Variants in H6PD observed in about 807,000 individuals in gnomAD.
H6PD encodes the protein GDH/6PGL endoplasmic bifunctional protein.
H6PD carries 48 observed loss-of-function variants against 61.2 expected under a neutral mutation model. The observed-to-expected ratio is 0.78, with a 90% CI of 0.62 to 1.00. The LOEUF is 1.00. Ranked by LOEUF, H6PD falls within the 50% of genes least tolerant of loss-of-function variation. The probability of loss-of-function intolerance (pLI) is 0.00; values close to 1 mark genes in which losing one functional copy is unlikely to be tolerated. For synonymous variants in H6PD, 480 were observed against 457.9 expected (o/e 1.05, Z -0.62); for missense variants, 1,093 against 1,065.0 (o/e 1.03, Z -0.37).
At chr1:9,253,577 G>T (rs1424057060) in intron 3 of H6PD, among the ~76,000 whole-genome samples, 1 of 152,156 alleles carries the variant, frequency 6.6e-6, no homozygotes, top group Non-Finnish European at 1.5e-5. Context: ...TTCTTTCTTA[G>T]GGGTTATAAA....
chr1:9,252,014 C>T (rs937079599), intron 3 of H6PD, among the ~76,000 whole-genome samples: 7 of 151,906 alleles, frequency 4.6e-5, no homozygotes, highest in South Asian at 2.1e-4. Flanking sequence ...CTGATAGCCC[C>T]GGCACCTCTC....
rs1474142048 is a variant in H6PD at position 9,264,310 on chromosome 1, A to G, written c.1817A>G (p.His606Arg). The G allele has an allele frequency of 6.2e-7, 1 of 1,611,528 alleles. No individual in the cohort carries two copies. The highest frequency in any genetic ancestry group is 2.2e-5 in the East Asian group (1 of 44,874). The change falls in exon 5 of 5, where the codon CAC (histidine) becomes CGC (arginine). Residue 606 changes from histidine (H) to arginine (R), a missense_variant. His to Arg is a conservative substitution (Grantham distance 29). Transcript: ENST00000377403. ...VALFQQLATA[H>R]YGFPWAHTHL... ...CTGTTCCAGCAGCTGGCCACGGCGC[A>G]CTATGGCTTCCCCTGGGCCCACACG...
chr1:9,248,597 C>G (rs1292765965), intron 3 of H6PD, among the ~76,000 whole-genome samples: 3 of 150,932 alleles, frequency 2.0e-5, no homozygotes, highest in African/African-American at 7.3e-5. Flanking sequence ...AGTAGTTGGA[C>G]ACCAGCCTGG....
At chr1:9,263,212 T>C (rs1638395053) in intron 4 of H6PD, among the ~76,000 whole-genome samples, 1 of 151,962 alleles carries the variant, frequency 6.6e-6, no homozygotes, top group Non-Finnish European at 1.5e-5. Context: ...TCCTTTAGAG[T>C]CTCCAGGTTG....
rs549848973 is a variant in H6PD at position 9,249,510 on chromosome 1, G to A, written c.745+2427G>A. Among the ~76,000 whole-genome samples, 16 of 152,274 alleles carry A rather than the reference G, an allele frequency of 1.1e-4. No homozygotes were observed. The East Asian group carries it at 1.9e-3, about 18-fold the overall frequency. On this transcript the variant is annotated intron_variant, in intron 3 of 4. Transcript: ENST00000377403. ...GGAGCCCTGTTGTCACAGCTGCAGG[G>A]ACTAAAGGAGGCCCAGCCTTGCCTG...
At position 9,251,350 on chromosome 1, in the gene H6PD, G is replaced by C. The variant is rs373737528; in HGVS notation, c.745+4267G>C. Among the ~76,000 whole-genome samples, 98 of 152,376 alleles carry C rather than the reference G, an allele frequency of 6.4e-4. 1 individual carries two copies. The East Asian group carries it at 0.016, about 25-fold the overall frequency. ...GCTCCACAGCCTCCCCAGCTGGCCA[G>C]GCCCTCAGCAGTTGGCCTCCCTGCT... On this transcript the variant is annotated intron_variant, in intron 3 of 4. Coordinates refer to ENST00000377403, the MANE Select transcript of H6PD (RefSeq NM_004285.4).
rs1640952070 is a variant in H6PD, at chr1:9,240,038, A to G, written c.-10-4887A>G. On this transcript the variant is annotated intron_variant, in intron 1 of 4. Coordinates refer to ENST00000377403, the MANE Select transcript of H6PD (RefSeq NM_004285.4). ...TAACTGGTAAGTCTCTCCCAGGATG[A>G]CTCGTAGGAGCCTCTCAGGATTAGA... 4.1e-6 allele frequency: 5 copies of G among 1,225,480 alleles called. No individual in the cohort carries two copies. The South Asian group carries it at 2.1e-4, about 51-fold the overall frequency. 75.9% of individuals were successfully genotyped at this position (1,225,480 alleles called of 1,614,324 possible). A position where few individuals can be genotyped will look rare whatever the true frequency, so the allele number is the denominator to read the frequency against.
intron 3 of H6PD, among the ~76,000 whole-genome samples, chr1:9,248,899 G>A (rs1191479569): frequency 3.3e-5 from 5 of 152,234 alleles, no homozygotes; most frequent in Non-Finnish European, 5.9e-5. Context: ...GGCGCTGGCC[G>A]TGGGTTGCCC....
chr1:9,260,153 G>T lies in H6PD; in HGVS notation c.746-1906G>T, dbSNP rs1466864325. ...CGTTGCTGTTAGCTGGTGTTATATT[G>T]CTGTTGTTAAGCTGGTGTTATGTTG... is the stretch of plus-strand genomic sequence containing the variant. On this transcript the variant is annotated intron_variant, in intron 3 of 4. Coordinates refer to ENST00000377403, the MANE Select transcript of H6PD (RefSeq NM_004285.4). Among the ~76,000 whole-genome samples, 3 of 150,830 alleles carry T rather than the reference G, an allele frequency of 2.0e-5. No individual in the cohort carries two copies. The East Asian group carries it at 6.0e-4, about 30-fold the overall frequency.
intron 3 of H6PD, among the ~76,000 whole-genome samples, chr1:9,251,756 C>T (rs574337570): frequency 6.6e-6 from 1 of 152,250 alleles, no homozygotes; most frequent in East Asian, 1.9e-4. Context: ...GGGCAGCTGC[C>T]GGATCTCCTG....
chr1:9,263,472 T>C, intron 4 of H6PD, 37 bp from the exon 5 acceptor site: 1 of 1,605,266 alleles, frequency 6.2e-7, no homozygotes, highest in Non-Finnish European at 8.5e-7. Flanking sequence ...TCCTGGTCTG[T>C]GCCAGAGAGT....
chr1:9,251,598 C>G (rs566037777), intron 3 of H6PD, among the ~76,000 whole-genome samples: 1 of 152,124 alleles, frequency 6.6e-6, no homozygotes, highest in Non-Finnish European at 1.5e-5. Flanking sequence ...TGCCTCTCAC[C>G]GAGGGACCAG....
chr1:9,239,978 T>C (rs1299903254), intron 1 of H6PD: 97 of 1,227,660 alleles, frequency 7.9e-5, no homozygotes, highest in Non-Finnish European at 9.8e-5. Flanking sequence ...CCAAACCCCC[T>C]GGCCCCCACC....
chr1:9,262,430 G>A (rs1292515507), intron 4 of H6PD, 102 bp downstream of exon 4: 31 of 1,123,006 alleles, frequency 2.8e-5, no homozygotes, highest in Non-Finnish European at 3.7e-5. Context: ...GACTTGAGGT[G>A]GGATTTCCCC....
At chr1:9,263,453 G>C (rs1638405650) in intron 4 of H6PD, 56 bp from the exon 5 acceptor site, 4 of 1,566,486 alleles carry the variant, frequency 2.6e-6, no homozygotes, top group Non-Finnish European at 3.5e-6. Context: ...GAGAGGGCTG[G>C]CCGGAGAGTC....
At position 9,264,315 on chromosome 1, in the gene H6PD, G is replaced by A. The variant is rs776340923; in HGVS notation, c.1822G>A (p.Gly608Ser). 12 of 1,611,684 alleles carry A rather than the reference G, an allele frequency of 7.4e-6. No individual in the cohort carries two copies. Among genetic ancestry groups the A allele is most frequent in the Non-Finnish European group, 9.3e-6 (11 of 1,179,786 alleles). ...CCAGCAGCTGGCCACGGCGCACTATGGCTTCCCCTGGGCCCACACGCACCT... is the reference window on the plus strand; with the variant it reads ...CCAGCAGCTGGCCACGGCGCACTATAGCTTCCCCTGGGCCCACACGCACCT... ...LFQQLATAHY[G>S]FPWAHTHLWL... is the part of the protein sequence containing the mutation. Residue 608 changes from glycine (G) to serine (S), a missense_variant, in exon 5 of 5, where the codon GGC (glycine) becomes AGC (serine). Physicochemically the swap from Gly to Ser is moderately conservative, Grantham distance 56 (BLOSUM62 0). Coordinates refer to ENST00000377403, the MANE Select transcript of H6PD (RefSeq NM_004285.4).
intron 4 of H6PD, 62 bp from the exon 5 acceptor site, chr1:9,263,447 G>A: frequency 6.5e-7 from 1 of 1,535,502 alleles, no homozygotes; most frequent in South Asian, 1.1e-5. Context: ...GGAGAGGAGA[G>A]GGCTGGCCGG....
At chr1:9,247,590 C>A (rs998752397) in intron 3 of H6PD, among the ~76,000 whole-genome samples, 7 of 152,202 alleles carry the variant, frequency 4.6e-5, no homozygotes, top group Non-Finnish European at 1.0e-4. Context: ...ACACCTCCCT[C>A]CCCTGCCCTG....
At position 9,259,966 on chromosome 1, in the gene H6PD, TCTG is replaced by T. The variant is rs1171322981; in HGVS notation, c.746-2089_746-2087del. On this transcript the variant is annotated intron_variant, in intron 3 of 4. Coordinates refer to ENST00000377403, the MANE Select transcript of H6PD (RefSeq NM_004285.4). ...GGTGGTGTTATGTTGCTGTTGTTAC[TCTG>T]CTGTTATGTTGTTGTTACACTGGTA... 4.0e-5 allele frequency among the ~76,000 whole-genome samples: 6 copies of T among 151,646 alleles called. 1 individual carries two copies. Among genetic ancestry groups the T allele is most frequent in the African/African-American group, 1.5e-4 (6 of 41,304 alleles).
Sources: allele counts gnomAD v4.1 joint callset (sites outside exome capture counted in the v4.1 genomes callset), GRCh38; gene constraint gnomAD v4.1.1; transcripts MANE v1.5; gene names NCBI Gene and HGNC (gene_info 2026-07-23, HGNC 2026-07-21).